The following THAP10 variants were observed in gnomAD, a reference collection of about 807,000 sequenced individuals.
THAP10 encodes THAP domain containing 10.
In THAP10, 10 loss-of-function variants were observed where a neutral mutation model predicts 15.7. The ratio of observed to expected loss-of-function variants is 0.64; its 90% confidence interval spans 0.39 to 1.08. THAP10 has a LOEUF of 1.08. Among genes scored for constraint, THAP10 ranks in the 50% least tolerant of loss-of-function variants. The probability of loss-of-function intolerance (pLI) is 0.01; values close to 1 mark genes in which losing one functional copy is unlikely to be tolerated. For synonymous variants in THAP10, 127 were observed against 129.1 expected (o/e 0.98, Z 0.11); for missense variants, 310 against 330.9 (o/e 0.94, Z 0.49).
At position 70,885,048 on chromosome 15, in the gene THAP10, ATAC is replaced by A. The variant is rs564630964; in HGVS notation, c.430-2143_430-2141del. On this transcript the variant is annotated intron_variant, in intron 1 of 2. Transcript: ENST00000249861. Reference sequence around the variant, plus strand: ...CCACATAGGAATGTATTCTACAGATATACTACAATTTATTAAAACAATCCATAT... The same window carrying A: ...CCACATAGGAATGTATTCTACAGATATACAATTTATTAAAACAATCCATAT... Among the ~76,000 whole-genome samples, 11 of 152,310 alleles carry A rather than the reference ATAC, an allele frequency of 7.2e-5. No individual in the cohort carries two copies. The South Asian group carries it at 1.2e-3, about 17-fold the overall frequency.
At chr15:70,889,660 G>A (rs780434547) in intron 1 of THAP10, among the ~76,000 whole-genome samples, 12 of 152,066 alleles carry the variant, frequency 7.9e-5, no homozygotes, top group African/African-American at 2.4e-4. Context: ...CCTTGGAAGT[G>A]GTGTCTTATC....
intron 1 of THAP10, among the ~76,000 whole-genome samples, chr15:70,884,015 G>C (rs1344099846): frequency 6.6e-6 from 1 of 152,066 alleles, no homozygotes; most frequent in Non-Finnish European, 1.5e-5. Context: ...GGAGGGTTTT[G>C]ATATGTAAAA....
intron 1 of THAP10, among the ~76,000 whole-genome samples, chr15:70,886,791 G>A (rs547688974): frequency 7.4e-4 from 112 of 152,134 alleles, no homozygotes; most frequent in South Asian, 6.6e-3. Flanking sequence ...GCTTGAACCC[G>A]GGTGGCAGAG....
rs763126144 is a variant in THAP10, at chr15:70,882,755, A to G, written c.577+6T>C. On this transcript the variant is annotated splice_donor_region_variant and intron_variant, in intron 2 of 2. Coordinates refer to ENST00000249861, the MANE Select transcript of THAP10 (RefSeq NM_020147.4). Reference sequence around the variant, plus strand: ...TTGCTTAATCCATTGAAGAGTCAAAACATACCCACACTACGGTGACGGGGC... The same window carrying G: ...TTGCTTAATCCATTGAAGAGTCAAAGCATACCCACACTACGGTGACGGGGC... 7 of 1,613,980 alleles carry G rather than the reference A, an allele frequency of 4.3e-6. No homozygotes were observed. Among genetic ancestry groups the G allele is most frequent in the Non-Finnish European group, 5.1e-6 (6 of 1,180,010 alleles).
rs2222780 is a variant in THAP10 at position 70,887,005 on chromosome 15, A to G, written c.430-4097T>C. On this transcript the variant is annotated intron_variant, in intron 1 of 2. Transcript: ENST00000249861. Reference sequence around the variant, plus strand: ...AGGTTTTGTGTCAATACATTTAAAAATTTAGATGGAACAGACAAATTAAAA... The same window carrying G: ...AGGTTTTGTGTCAATACATTTAAAAGTTTAGATGGAACAGACAAATTAAAA... 6.5e-3 allele frequency among the ~76,000 whole-genome samples: 997 copies of G among 152,370 alleles called. 57 individuals carry two copies. In the East Asian group the frequency reaches 0.14, roughly 21 times the overall value.
chr15:70,882,318 C>G lies in THAP10; in HGVS notation c.*136G>C, dbSNP rs2033283084. ...TGTTGGCAAGCAAGCAAACTTTTGC[C>G]TTAGAGCTAAACAAATTATGCTGAT... On this transcript the variant is annotated 3_prime_UTR_variant, in exon 3 of 3. Transcript: ENST00000249861. 1.3e-6 allele frequency: 1 copy of G among 763,604 alleles called. No homozygotes were observed. Among genetic ancestry groups the G allele is most frequent in the Non-Finnish European group, 2.1e-6 (1 of 482,652 alleles). 47.3% of individuals were successfully genotyped at this position (763,604 alleles called of 1,614,324 possible).
intron 1 of THAP10, among the ~76,000 whole-genome samples, chr15:70,888,420 G>A (rs1054237691): frequency 3.9e-5 from 6 of 152,292 alleles, no homozygotes; most frequent in East Asian, 1.9e-4. Flanking sequence ...AAGAAGAAAT[G>A]CTAGTAGTTT....
rs540759685 is a variant in THAP10, at chr15:70,892,215, G to A, written c.58C>T (p.Leu20=). The A allele has an allele frequency of 3.1e-6, 5 of 1,600,672 alleles. No individual in the cohort carries two copies. The African/African-American group carries it at 6.7e-5, about 21-fold the overall frequency. ...CGNTTKSGKS[L]FRFPKDRAVR... ...GCCCGGTCCTTGGGAAAGCGGAACA[G>A]CGACTTCCCAGACTTGGTGGTGTTG... The change falls in exon 1 of 3, where the codon CTG becomes TTG. Residue 20 remains leucine, a synonymous_variant. Coordinates refer to ENST00000249861, the MANE Select transcript of THAP10 (RefSeq NM_020147.4).
intron 1 of THAP10, among the ~76,000 whole-genome samples, chr15:70,889,361 C>G (rs747410738): frequency 5.3e-5 from 8 of 151,754 alleles, no homozygotes; most frequent in Admixed American, 2.6e-4. Context: ...TATGAAATCC[C>G]CCCCCCAAAA....
chr15:70,883,543 A>T (rs1273212779), intron 1 of THAP10, among the ~76,000 whole-genome samples: 1 of 152,114 alleles, frequency 6.6e-6, no homozygotes, highest in African/African-American at 2.4e-5. Flanking sequence ...CAGTCATATT[A>T]TTCTAGAAAA....
chr15:70,883,936 G>A (rs1009389550), intron 1 of THAP10, among the ~76,000 whole-genome samples: 6 of 152,200 alleles, frequency 3.9e-5, no homozygotes, highest in Admixed American at 1.3e-4. Context: ...GATTACAGGC[G>A]TGTGCTATTG....
rs2033396867 is a variant in THAP10, at chr15:70,885,984, C to G, written c.430-3076G>C. Among the ~76,000 whole-genome samples the G allele has an allele frequency of 2.6e-5, 4 of 152,142 alleles. No individual in the cohort carries two copies. The South Asian group carries it at 8.3e-4, about 31-fold the overall frequency. On this transcript the variant is annotated intron_variant, in intron 1 of 2. Coordinates refer to ENST00000249861, the MANE Select transcript of THAP10 (RefSeq NM_020147.4). ...ATTAAGTCCATATATTGCATTTTCT[C>G]TGGCAGTAGTGTAATTGACCTAGAA...
At chr15:70,888,081 G>A (rs1165044160) in intron 1 of THAP10, among the ~76,000 whole-genome samples, 4 of 152,116 alleles carry the variant, frequency 2.6e-5, no homozygotes, top group Admixed American at 6.5e-5. Flanking sequence ...GATTAGAAGA[G>A]TCAATATTGT....
chr15:70,890,759 T>C (rs1567037117), intron 1 of THAP10, among the ~76,000 whole-genome samples: 2 of 152,164 alleles, frequency 1.3e-5, no homozygotes, highest in Non-Finnish European at 2.9e-5. Context: ...TCCAGGATAT[T>C]ATAATACATG....
chr15:70,887,454 G>A (rs904357306), intron 1 of THAP10, among the ~76,000 whole-genome samples: 1 of 152,098 alleles, frequency 6.6e-6, no homozygotes, highest in Non-Finnish European at 1.5e-5. Flanking sequence ...AGCCATGCAA[G>A]TTTGACTCTA....
intron 1 of THAP10, 145 bp downstream of exon 1, chr15:70,891,699 G>T: frequency 1.4e-6 from 1 of 692,198 alleles, no homozygotes; most frequent in Non-Finnish European, 2.3e-6. Flanking sequence ...GGACCTTGGA[G>T]ATCACCTCTA....
chr15:70,884,626 C>A (rs1309529678), intron 1 of THAP10, among the ~76,000 whole-genome samples: 3 of 152,006 alleles, frequency 2.0e-5, no homozygotes, highest in South Asian at 2.1e-4. Flanking sequence ...AAGGGTTTAT[C>A]TCCACGTTTA....
chr15:70,884,543 G>GA (rs1346347850), intron 1 of THAP10, among the ~76,000 whole-genome samples: 97 of 135,674 alleles, frequency 7.1e-4, no homozygotes, highest in South Asian at 1.4e-3. Flanking sequence ...TATACACACA[G>GA]AAAAAAAAAA....
At chr15:70,883,967 T>C (rs75556042) in intron 1 of THAP10, among the ~76,000 whole-genome samples, 6,671 of 152,154 alleles carry the variant, frequency 0.044, 239 homozygotes, top group South Asian at 0.16. Context: ...TGAAATTTGA[T>C]TTGTAGGGGA....
Sources: allele counts gnomAD v4.1 joint callset (sites outside exome capture counted in the v4.1 genomes callset), GRCh38; gene constraint gnomAD v4.1.1; transcripts MANE v1.5; gene names NCBI Gene and HGNC (gene_info 2026-07-23, HGNC 2026-07-21).